The following RC3H1 variants were observed in gnomAD, a reference collection of about 807,000 sequenced individuals.
RC3H1 encodes the protein ring finger and CCCH-type domains 1, also known as roquin-1.
A neutral mutation model predicts 138.2 loss-of-function variants in RC3H1; 50 were observed. The ratio of observed to expected loss-of-function variants is 0.36; its 90% CI spans 0.29 to 0.46. The LOEUF (loss-of-function observed/expected upper bound fraction) is 0.46, where lower values mean the gene tolerates loss of function less well. RC3H1 is among the 20% of genes least tolerant of loss of function. The probability of loss-of-function intolerance (pLI) is 1.00; values close to 1 mark genes in which losing one functional copy is unlikely to be tolerated. For synonymous variants in RC3H1, 462 were observed against 489.1 expected, an observed-to-expected ratio of 0.94 and a Z score of 0.73; for missense variants, 1,031 against 1,388.1, an observed-to-expected ratio of 0.74 and a Z score of 4.09.
chr1:173,958,863 T>C (rs979974856), intron 13 of RC3H1, among the ~76,000 whole-genome samples: 1 of 152,162 alleles, frequency 6.6e-6, no homozygotes, highest in Non-Finnish European at 1.5e-5. Context: ...TTTTTCCTAT[T>C]CATTAAACCA....
chr1:174,015,452 G>T (rs970531245), intron 1 of RC3H1, among the ~76,000 whole-genome samples: 1 of 150,986 alleles, frequency 6.6e-6, no homozygotes, highest in African/African-American at 2.4e-5. Context: ...AACCTCCTCC[G>T]CCTCCTGGGT....
At chr1:174,010,234 T>G in intron 1 of RC3H1, among the ~76,000 whole-genome samples, 1 of 152,162 alleles carries the variant, frequency 6.6e-6, no homozygotes, top group East Asian at 1.9e-4. Context: ...ACCTCTTGTA[T>G]CTATAATTTC....
chr1:173,983,901 T>C (rs1571221865), intron 3 of RC3H1, among the ~76,000 whole-genome samples: 1 of 152,182 alleles, frequency 6.6e-6, no homozygotes, highest in Non-Finnish European at 1.5e-5. Flanking sequence ...AAATATACCA[T>C]TACTCATTTT....
Position 173,938,468 on chromosome 1 carries a change from C to G in RC3H1, c.*253G>C. 3.5e-6 allele frequency: 1 copy of G among 285,216 alleles called. No homozygotes were observed. The highest frequency in any genetic ancestry group is 6.4e-6 in the Non-Finnish European group (1 of 155,730). 17.7% of individuals were successfully genotyped at this position (285,216 alleles called of 1,614,324 possible). ...ATTAAAATAAAGTTCATTCACAGAACAAAAACAAATTTAATCTGAATTGCT... is the reference window on the plus strand; with the variant it reads ...ATTAAAATAAAGTTCATTCACAGAAGAAAAACAAATTTAATCTGAATTGCT... On this transcript the variant is annotated 3_prime_UTR_variant, in exon 20 of 20. Coordinates refer to ENST00000367696, the MANE Select transcript of RC3H1 (RefSeq NM_172071.4).
At chr1:173,963,211 G>A (rs1370518832) in intron 11 of RC3H1, among the ~76,000 whole-genome samples, 2 of 151,514 alleles carry the variant, frequency 1.3e-5, no homozygotes, top group African/African-American at 2.4e-5. Context: ...ACACTAATTC[G>A]TCAGTACTCA....
chr1:174,005,467 A>G (rs1020213133), intron 1 of RC3H1, among the ~76,000 whole-genome samples: 1 of 152,366 alleles, frequency 6.6e-6, no homozygotes, highest in African/African-American at 2.4e-5. Flanking sequence ...AAATTTCATT[A>G]TAGTCTTTTG....
At chr1:174,000,278 C>T (rs768185725) in intron 1 of RC3H1, among the ~76,000 whole-genome samples, 5 of 152,148 alleles carry the variant, frequency 3.3e-5, no homozygotes, top group Non-Finnish European at 7.3e-5. Flanking sequence ...AGCTAAATTA[C>T]ATTGCTGTGA....
chr1:173,994,341 C>T (rs1158261584), intron 1 of RC3H1, among the ~76,000 whole-genome samples: 1 of 151,892 alleles, frequency 6.6e-6, no homozygotes, highest in Non-Finnish European at 1.5e-5. Flanking sequence ...TGCGGTGAGC[C>T]GAGATCCGCC....
intron 1 of RC3H1, among the ~76,000 whole-genome samples, chr1:174,000,976 C>A (rs182408126): frequency 5.9e-5 from 9 of 152,192 alleles, no homozygotes. Flanking sequence ...AATTGTAACC[C>A]TATATATACA....
Position 173,992,878 on chromosome 1 carries a change from A to G in RC3H1, c.108T>C (p.Thr36=), listed in dbSNP as rs1661353615. The change falls in exon 2 of 20, where the codon ACT becomes ACC. Residue 36 remains threonine, a synonymous_variant. Coordinates refer to ENST00000367696, the MANE Select transcript of RC3H1 (RefSeq NM_172071.4). ...RKPISLGCGH[T]VCKMCLNKLH... ...GTTTATTCAGGCACATCTTGCAGAC[A>G]GTATGGCCACAACCCAAACTGATGG... 4 of 1,614,070 alleles carry G rather than the reference A, an allele frequency of 2.5e-6. No homozygotes were observed. Among genetic ancestry groups the G allele is most frequent in the Admixed American group, 3.3e-5 (2 of 60,004 alleles).
At chr1:173,956,921 A>G (rs950813381) in intron 13 of RC3H1, among the ~76,000 whole-genome samples, 3 of 151,904 alleles carry the variant, frequency 2.0e-5, no homozygotes, top group African/African-American at 7.3e-5. Context: ...ATTTATTTTT[A>G]AATTTTTGTT....
rs558348545 is a variant in RC3H1, at chr1:173,934,583, T to C, written c.*4138A>G. 1 of 152,334 alleles carries C rather than the reference T, an allele frequency of 6.6e-6. No homozygotes were observed. The highest frequency in any genetic ancestry group is 6.5e-5 in the Admixed American group (1 of 15,302). The allele number at this position is 152,334 out of a possible 1,614,324, so 9.4% of individuals were successfully genotyped here. A position where few individuals can be genotyped will look rare whatever the true frequency, so the allele number is the denominator to read the frequency against. On this transcript the variant is annotated 3_prime_UTR_variant, in exon 20 of 20. Transcript: ENST00000367696. ...GTAAAGCACAAGTCTTTGGCTCTCCTTTAAAGAAAACAGCAGGTTACCATT... is the reference window on the plus strand; with the variant it reads ...GTAAAGCACAAGTCTTTGGCTCTCCCTTAAAGAAAACAGCAGGTTACCATT...
At chr1:173,943,761 C>CT in intron 17 of RC3H1, 146 bp from the exon 18 acceptor site, 5 of 611,654 alleles carry the variant, frequency 8.2e-6, no homozygotes, top group Non-Finnish European at 1.3e-5. Flanking sequence ...GTGCTGTTCT[C>CT]TTTGAGTACC....
chr1:174,010,982 C>T (rs576753740), intron 1 of RC3H1, among the ~76,000 whole-genome samples: 1 of 152,254 alleles, frequency 6.6e-6, no homozygotes, highest in African/African-American at 2.4e-5. Flanking sequence ...GGAATAGGTG[C>T]TACCACTTCA....
At chr1:174,021,313 G>A (rs1033879354) in intron 1 of RC3H1, among the ~76,000 whole-genome samples, 2 of 152,142 alleles carry the variant, frequency 1.3e-5, no homozygotes, top group African/African-American at 2.4e-5. Context: ...TATGTCAAGA[G>A]TTGTGTTATT....
intron 1 of RC3H1, among the ~76,000 whole-genome samples, chr1:173,999,043 A>G (rs1486721125): frequency 1.3e-5 from 2 of 151,890 alleles, no homozygotes; most frequent in Admixed American, 1.3e-4. Flanking sequence ...TCAGTGAGCT[A>G]TGACCACACC....
In RC3H1 at chr1:173,983,425, A is replaced by G; in HGVS notation, c.585T>C (p.Leu195=). The G allele has an allele frequency of 6.2e-7, 1 of 1,614,170 alleles. No individual in the cohort carries two copies. Among genetic ancestry groups the G allele is most frequent in the Admixed American group, 1.7e-5 (1 of 60,018 alleles). Residue 195 remains leucine (L), a synonymous_variant, in exon 4 of 20, where the codon CTT becomes CTC. Transcript: ENST00000367696. ...CTAAAGTTAATTATGTACCTGGTCCAAGGAACTGGCATCCCCTAGCCCTTA... is the reference window on the plus strand; with the variant it reads ...CTAAAGTTAATTATGTACCTGGTCCGAGGAACTGGCATCCCCTAGCCCTTA... ...AAVRARGCQF[L]GPAMQEEALK...
Position 173,938,807 on chromosome 1 carries a change from A to T in RC3H1, c.3316T>A (p.Ser1106Thr), listed in dbSNP as rs1275248965. 1 of 1,613,418 alleles carries T rather than the reference A, an allele frequency of 6.2e-7. No individual in the cohort carries two copies. Among genetic ancestry groups the T allele is most frequent in the South Asian group, 1.1e-5 (1 of 91,046 alleles). Residue 1106 changes from serine to threonine, a missense_variant, in exon 20 of 20, where the codon TCT (serine) becomes ACT (threonine). Around this residue, in one of 7 missense-constraint regions of RC3H1, gnomAD observed 716 missense variants for 837.9 expected, o/e 0.85. Transcript: ENST00000367696. ...TCAGGGTCCTCTGACAGGTTCAGAG[A>T]GCTGGTCTTGTTTGATAGGAGGCTG... The part of the protein sequence containing the change: ...NISLLSNKTS[S>T]LNLSEDPEGG...
intron 5 of RC3H1, among the ~76,000 whole-genome samples, chr1:173,982,223 T>C (rs1235348098): frequency 3.3e-5 from 5 of 151,764 alleles, no homozygotes; most frequent in African/African-American, 7.3e-5. Context: ...CTACCAAAAA[T>C]ACAAAAAGTA....
Sources: allele counts gnomAD v4.1 joint callset (sites outside exome capture counted in the v4.1 genomes callset), GRCh38; gene constraint gnomAD v4.1.1; regional missense constraint gnomAD v4.1.1; transcripts MANE v1.5; gene names NCBI Gene and HGNC (gene_info 2026-07-23, HGNC 2026-07-21).